Variants in RRM2 observed in about 807,000 individuals in gnomAD.
RRM2 encodes ribonucleoside-diphosphate reductase subunit M2.
Under a neutral mutation model 45.9 loss-of-function variants are expected in RRM2, and 6 were observed. That is an observed-to-expected ratio of 0.13 (90% CI 0.07 to 0.26). The LOEUF is 0.26. RRM2 is among the 10% of genes least tolerant of loss of function. RRM2 has a pLI of 1.00. For synonymous variants in RRM2, 177 were observed against 173.0 expected (o/e 1.02, Z -0.18); for missense variants, 343 against 489.5 (o/e 0.70, Z 2.82).
chr2:10,164,523 C>T (rs888108034), intron 3 of RRM2, among the ~76,000 whole-genome samples: 1 of 152,178 alleles, frequency 6.6e-6, no homozygotes, highest in Non-Finnish European at 1.5e-5. Flanking sequence ...ACACAGGGCT[C>T]GGGTGCACTC....
intron 3 of RRM2, among the ~76,000 whole-genome samples, chr2:10,203,085 C>T (rs918497323): frequency 1.3e-5 from 2 of 152,226 alleles, no homozygotes; most frequent in East Asian, 1.9e-4. Flanking sequence ...GTGTTCCATC[C>T]TTTCTTCTCC....
chr2:10,175,219 C>G (rs1029249533), intron 3 of RRM2, among the ~76,000 whole-genome samples: 4 of 152,236 alleles, frequency 2.6e-5, no homozygotes, highest in African/African-American at 9.6e-5. Context: ...CACCGCAGGC[C>G]CTGCCTAGCC....
intron 3 of RRM2, among the ~76,000 whole-genome samples, chr2:10,179,993 C>T (rs145207521): frequency 6.6e-6 from 1 of 152,336 alleles, no homozygotes; most frequent in African/African-American, 2.4e-5. Flanking sequence ...CCAGAGCCAC[C>T]TCTCTGTGAG....
At chr2:10,141,437 G>A (rs1037789235) in exon 1 of RRM2, 4 of 227,570 alleles carry the variant, frequency 1.8e-5, no homozygotes, top group African/African-American at 9.1e-5. Context: ...CCCCATGTTA[G>A]TGTGCCCTCT....
At chr2:10,202,176 C>G (rs150917098) in intron 3 of RRM2, among the ~76,000 whole-genome samples, 305 of 152,324 alleles carry the variant, frequency 2.0e-3, no homozygotes, top group African/African-American at 7.0e-3. Context: ...CCTTTCACAA[C>G]TAGCCCAAAC....
exon 4 of RRM2, chr2:10,210,707 G>T: frequency 1.0e-6 from 1 of 1,003,944 alleles, no homozygotes; most frequent in Non-Finnish European, 1.4e-6. Flanking sequence ...GGGGTGATGT[G>T]AGCCCACAGG....
At chr2:10,139,693 G>A (rs1663045915), upstream of RRM2, among the ~76,000 whole-genome samples, 1 of 152,180 alleles carries the variant, frequency 6.6e-6, no homozygotes, top group African/African-American at 2.4e-5. Flanking sequence ...TGTTTGGGGC[G>A]TTTCAGAGAG....
In RRM2 at chr2:10,195,072, A is replaced by G. The variant is rs1217188279; in HGVS notation, n.483-15239A>G. On this transcript the variant is annotated intron_variant and non_coding_transcript_variant, in intron 3 of 3. Transcript: ENST00000381786. The surrounding 1 kb of genome is among the most constrained non-coding windows in gnomAD (Gnocchi z 4.9). Reference sequence around the variant, plus strand: ...GTGGTCGTGGCTACGGGTTTAATCTAAAATTCATTCTGATCCCTTGGCCTT... The same window carrying G: ...GTGGTCGTGGCTACGGGTTTAATCTGAAATTCATTCTGATCCCTTGGCCTT... Among the ~76,000 whole-genome samples, 7 of 148,822 alleles carry G rather than the reference A, an allele frequency of 4.7e-5. No individual in the cohort carries two copies. The highest frequency in any genetic ancestry group is 1.5e-5 in the Non-Finnish European group (1 of 67,884).
rs149149778 is a variant in RRM2, at chr2:10,141,573, G to A, written n.192G>A. ...TAACTGTGGTTGTGCTGGAATGGAGGAGGCCTGGTGTCTGGTCTTGGAGTC... is the reference window on the plus strand; with the variant it reads ...TAACTGTGGTTGTGCTGGAATGGAGAAGGCCTGGTGTCTGGTCTTGGAGTC... On this transcript the variant is annotated non_coding_transcript_exon_variant, in exon 1 of 4. Transcript: ENST00000381786. 2.2e-4 allele frequency: 96 copies of A among 441,792 alleles called. 1 individual carries two copies. The highest frequency in any genetic ancestry group is 3.5e-4 in the Non-Finnish European group (85 of 240,102). 27.4% of individuals were successfully genotyped at this position (441,792 alleles called of 1,614,324 possible).
At chr2:10,163,799 A>G (rs1182131964) in intron 3 of RRM2, among the ~76,000 whole-genome samples, 2 of 152,206 alleles carry the variant, frequency 1.3e-5, no homozygotes, top group South Asian at 2.1e-4. Context: ...TAATTTGAGC[A>G]CCTCATTGGG....
intron 3 of RRM2, among the ~76,000 whole-genome samples, chr2:10,165,657 C>T (rs914347873): frequency 2.0e-5 from 3 of 152,248 alleles, no homozygotes; most frequent in Non-Finnish European, 4.4e-5. Context: ...TCACCGCTCT[C>T]ATCCTCTCCT....
chr2:10,176,591 CTG>C (rs1272026794), intron 3 of RRM2, among the ~76,000 whole-genome samples: 1 of 152,176 alleles, frequency 6.6e-6, no homozygotes, highest in Non-Finnish European at 1.5e-5. Context: ...AACCACCACA[CTG>C]TTTTCCACAG....
intron 3 of RRM2, among the ~76,000 whole-genome samples, chr2:10,162,317 G>T (rs1003633354): frequency 8.5e-5 from 13 of 152,186 alleles, no homozygotes; most frequent in African/African-American, 2.7e-4. Flanking sequence ...GCCACAGCAG[G>T]CTTTGGGATG....
chr2:10,138,216 G>A (rs369187900), upstream of RRM2, among the ~76,000 whole-genome samples: 13 of 149,660 alleles, frequency 8.7e-5, 1 homozygote, highest in Admixed American at 5.4e-4. Flanking sequence ...TGCCCAGGTT[G>A]GAGTGCAATG....
upstream of RRM2, chr2:10,122,728 A>G (rs760437214): frequency 4.0e-5 from 62 of 1,551,736 alleles, no homozygotes; most frequent in Non-Finnish European, 5.0e-5. Context: ...TGCTGGAGTG[A>G]GGGGTCGCCC....
chr2:10,132,278 C>T (rs556770053), downstream of RRM2, among the ~76,000 whole-genome samples: 5 of 152,312 alleles, frequency 3.3e-5, no homozygotes, highest in African/African-American at 1.2e-4. Context: ...AGAGGGGAGG[C>T]CCCTCCCTCT....
intron 3 of RRM2, among the ~76,000 whole-genome samples, chr2:10,147,721 C>G (rs947198757): frequency 6.6e-6 from 1 of 152,196 alleles, no homozygotes; most frequent in Non-Finnish European, 1.5e-5. Flanking sequence ...TGTATTTTCT[C>G]TTACCCCTTC....
rs369657989 is a variant in RRM2, at chr2:10,157,515, C to T, written n.482+15140C>T. 1.4e-4 allele frequency among the ~76,000 whole-genome samples: 21 copies of T among 152,292 alleles called. 1 individual carries two copies. The highest frequency in any genetic ancestry group is 5.9e-4 in the Admixed American group (9 of 15,302). On this transcript the variant is annotated intron_variant and non_coding_transcript_variant, in intron 3 of 3. Transcript: ENST00000381786. ...CCTCCCAGTCCTGACCACACTAAGGCGCCTCCATCTCCACTTCCATCCCCA... is the reference window on the plus strand; with the variant it reads ...CCTCCCAGTCCTGACCACACTAAGGTGCCTCCATCTCCACTTCCATCCCCA...
chr2:10,137,737 C>T (rs946357607), upstream of RRM2, among the ~76,000 whole-genome samples: 2 of 152,192 alleles, frequency 1.3e-5, no homozygotes, highest in African/African-American at 4.8e-5. Context: ...TCCAGAAAGC[C>T]CTGGGGCAGC....
Sources: allele counts gnomAD v4.1 joint callset (sites outside exome capture counted in the v4.1 genomes callset), GRCh38; gene constraint gnomAD v4.1.1; non-coding constraint Gnocchi (gnomAD v3.1); transcripts MANE v1.5; gene names NCBI Gene and HGNC (gene_info 2026-07-23, HGNC 2026-07-21).